The following SEMA3C variants were observed in gnomAD, a reference collection of about 807,000 sequenced individuals.
SEMA3C encodes semaphorin-3C.
In SEMA3C, 47 loss-of-function variants were observed where a neutral mutation model predicts 89.4. That is an observed-to-expected ratio of 0.53 (90% CI 0.42 to 0.67). The LOEUF is 0.67. Ranked by LOEUF, SEMA3C falls within the 30% of genes least tolerant of loss-of-function variation. The pLI is 0.00. For missense variants in SEMA3C, 839 were observed against 929.1 expected (o/e 0.90, Z 1.26); for synonymous variants, 310 against 320.2 (o/e 0.97, Z 0.34).
In SEMA3C at chr7:80,784,032, T is replaced by G. The variant is rs147986539; in HGVS notation, c.1354+5274A>C. On this transcript the variant is annotated intron_variant, in intron 12 of 17. Coordinates refer to ENST00000265361, the MANE Select transcript of SEMA3C (RefSeq NM_006379.5). ...TCTTTCATCAAAAACCACGTCATTC[T>G]GATTCATGTATAATGCTAAAAATAT... 1.8e-3 allele frequency among the ~76,000 whole-genome samples: 267 copies of G among 152,300 alleles called. 1 individual carries two copies. The highest frequency in any genetic ancestry group is 5.5e-3 in the African/African-American group (230 of 41,564).
chr7:80,891,282 G>T (rs79182896), intron 2 of SEMA3C, among the ~76,000 whole-genome samples: 4,963 of 152,152 alleles, frequency 0.033, 103 homozygotes, highest in South Asian at 0.056. Context: ...CCCGTCTTGC[G>T]TCCAAACTCC....
In SEMA3C at chr7:80,772,986, A is replaced by C. The variant is rs140301158; in HGVS notation, c.1355-7743T>G. Among the ~76,000 whole-genome samples, 334 of 152,310 alleles carry C rather than the reference A, an allele frequency of 2.2e-3. 1 individual carries two copies. Among genetic ancestry groups the C allele is most frequent in the African/African-American group, 7.1e-3 (294 of 41,586 alleles). On this transcript the variant is annotated intron_variant, in intron 12 of 17. Coordinates refer to ENST00000265361, the MANE Select transcript of SEMA3C (RefSeq NM_006379.5). ...CAGACATAATGTTTGGAGGTGCTGC[A>C]TATTAAATAAGCTTTAGAGAAGAAA...
chr7:80,822,530 C>T (rs1789777952), intron 4 of SEMA3C, among the ~76,000 whole-genome samples: 1 of 151,960 alleles, frequency 6.6e-6, no homozygotes. Flanking sequence ...GAGGTAATTA[C>T]AGTTGGTCTG....
intron 16 of SEMA3C, 22 bp from the exon 17 acceptor site, chr7:80,749,050 C>T (rs773534916): frequency 1.1e-5 from 18 of 1,577,294 alleles, no homozygotes; most frequent in Non-Finnish European, 1.4e-5. Context: ...AAATAAAAGG[C>T]GAGAGAGAAA....
intron 2 of SEMA3C, among the ~76,000 whole-genome samples, chr7:80,910,828 T>G (rs930806595): frequency 6.7e-6 from 1 of 149,038 alleles, no homozygotes; most frequent in Non-Finnish European, 1.5e-5. Context: ...TTTAATGCAA[T>G]GAATGATATC....
intron 2 of SEMA3C, among the ~76,000 whole-genome samples, chr7:80,861,617 T>C (rs1169471085): frequency 6.6e-6 from 1 of 152,214 alleles, no homozygotes; most frequent in Admixed American, 6.5e-5. Context: ...TTTAGAAGAC[T>C]GATCTCAAAG....
At chr7:80,802,966 A>G (rs1039061986) in intron 8 of SEMA3C, among the ~76,000 whole-genome samples, 187 bp from the exon 9 acceptor site, 4 of 152,202 alleles carry the variant, frequency 2.6e-5, no homozygotes, top group African/African-American at 9.6e-5. Flanking sequence ...TAGTTATACT[A>G]TTATTCTCTT....
chr7:80,896,320 A>G (rs561366592), intron 2 of SEMA3C, among the ~76,000 whole-genome samples: 13 of 152,306 alleles, frequency 8.5e-5, no homozygotes, highest in Non-Finnish European at 1.5e-4. Context: ...GTGTTAAATC[A>G]CAGTTATGTA....
chr7:80,832,495 T>A (rs921715314), intron 2 of SEMA3C, among the ~76,000 whole-genome samples: 1 of 152,178 alleles, frequency 6.6e-6, no homozygotes, highest in Admixed American at 6.5e-5. Flanking sequence ...ACTGGCCCCA[T>A]TCTTCTAGCC....
intron 15 of SEMA3C, among the ~76,000 whole-genome samples, chr7:80,756,885 T>C (rs147937543): frequency 6.6e-6 from 1 of 152,332 alleles, no homozygotes; most frequent in Non-Finnish European, 1.5e-5. Flanking sequence ...CTGCCCTTTT[T>C]AAATTCACAG....
chr7:80,856,684 T>C (rs1790650456), intron 2 of SEMA3C, among the ~76,000 whole-genome samples: 2 of 151,852 alleles, frequency 1.3e-5, no homozygotes, highest in African/African-American at 4.8e-5. Flanking sequence ...AAAAATGTTA[T>C]AAACATTATT....
intron 16 of SEMA3C, 99 bp downstream of exon 16, chr7:80,751,170 G>T: frequency 1.0e-6 from 1 of 965,518 alleles, no homozygotes; most frequent in South Asian, 1.6e-5. Flanking sequence ...ATTTTTGAAA[G>T]TGAAACGCCT....
chr7:80,867,156 G>A (rs1790946386), intron 2 of SEMA3C, among the ~76,000 whole-genome samples: 1 of 152,128 alleles, frequency 6.6e-6, no homozygotes, highest in Non-Finnish European at 1.5e-5. Context: ...TCTGATTAAT[G>A]GTTGTAGAAA....
intron 1 of SEMA3C, 147 bp from the exon 2 acceptor site, chr7:80,916,966 G>A: frequency 3.5e-6 from 2 of 569,030 alleles, no homozygotes; most frequent in Non-Finnish European, 5.9e-6. Context: ...CTGTGTCTTT[G>A]CTTCTCAGAT....
chr7:80,791,368 C>T (rs536688110), intron 11 of SEMA3C, among the ~76,000 whole-genome samples: 1 of 152,160 alleles, frequency 6.6e-6, no homozygotes, highest in East Asian at 1.9e-4. Flanking sequence ...TATTAAATAC[C>T]TGTCAATATT....
At chr7:80,883,504 G>A (rs1484757926) in intron 2 of SEMA3C, among the ~76,000 whole-genome samples, 2 of 152,194 alleles carry the variant, frequency 1.3e-5, no homozygotes, top group Non-Finnish European at 2.9e-5. Flanking sequence ...TAAGATAAAA[G>A]TATGGGTTTT....
intron 16 of SEMA3C, among the ~76,000 whole-genome samples, chr7:80,750,473 T>TATATACACACACACACACAC (rs869227686): frequency 3.6e-5 from 2 of 55,430 alleles, no homozygotes; most frequent in African/African-American, 7.4e-5. Context: ...TATATATATA[T>TATATACACACACACACACAC]ACACACACAC....
In SEMA3C at chr7:80,789,431, G is replaced by A; in HGVS notation, c.1229C>T (p.Ser410Phe). ...FIRNHPLMYN[S>F]IYPIHKRPLI... Reference sequence around the variant, plus strand: ...AGGCCTTTTGTGGATTGGGTAGATGGAATTGTACATGAGAGGATGGTTCCG... The same window carrying A: ...AGGCCTTTTGTGGATTGGGTAGATGAAATTGTACATGAGAGGATGGTTCCG... The change falls in exon 12 of 18, where the codon TCC (serine) becomes TTC (phenylalanine). Residue 410 changes from serine to phenylalanine, a missense_variant. Ser to Phe is a radical substitution (Grantham distance 155). Transcript: ENST00000265361. 1 of 1,614,030 alleles carries A rather than the reference G, an allele frequency of 6.2e-7. No homozygotes were observed. The highest frequency in any genetic ancestry group is 8.5e-7 in the Non-Finnish European group (1 of 1,179,952).
chr7:80,822,499 T>C (rs12535655), intron 4 of SEMA3C, among the ~76,000 whole-genome samples: 14,292 of 152,146 alleles, frequency 0.094, 874 homozygotes, highest in Non-Finnish European at 0.14. Flanking sequence ...GGTTAGAGGA[T>C]AACTGTGTGA....
Sources: gnomAD v4.1 joint callset for allele counts (sites outside exome capture counted in the v4.1 genomes callset) on GRCh38, gnomAD v4.1.1 for gene constraint, MANE v1.5 for transcripts, NCBI Gene and HGNC (gene_info 2026-07-23, HGNC 2026-07-21) for gene names.